Variants in SPSB4 observed in about 807,000 individuals in gnomAD.
SPSB4 encodes the protein splA/ryanodine receptor domain and SOCS box containing 4, also known as SPRY domain-containing SOCS box protein 4.
SPSB4 carries 21 observed loss-of-function variants against 20.9 expected under a neutral mutation model. The ratio of observed to expected loss-of-function variants is 1.01; its 90% CI spans 0.71 to 1.45. SPSB4 has a LOEUF of 1.45. Among genes scored for constraint, SPSB4 ranks in the 40% most tolerant of loss-of-function variants. The pLI, the probability that SPSB4 is intolerant of heterozygous loss-of-function variation, is 0.00. For synonymous variants in SPSB4, 207 were observed against 183.8 expected, an observed-to-expected ratio of 1.13 and a Z score of -1.02; for missense variants, 399 against 399.2, an observed-to-expected ratio of 1.00 and a Z score of 0.00.
rs1410085192 is a variant in SPSB4 at position 141,066,378 on chromosome 3, G to A, written c.274G>A (p.Gly92Ser). 6.5e-7 allele frequency: 1 copy of A among 1,548,616 alleles called. No individual in the cohort carries two copies. Among genetic ancestry groups the A allele is most frequent in the Non-Finnish European group, 8.7e-7 (1 of 1,148,312 alleles). ...QSTDGIRGKV[G>S]HARGLHAWQI... The stretch of plus-strand genomic sequence containing the variant: ...CACCGACGGCATCCGCGGCAAGGTG[G>A]GCCACGCCCGCGGCCTGCACGCCTG... Residue 92 changes from glycine to serine, a missense_variant, in exon 2 of 3, where the codon GGC becomes AGC. By Grantham distance (56) the Gly-to-Ser change is moderately conservative. Coordinates refer to ENST00000310546, the MANE Select transcript of SPSB4 (RefSeq NM_080862.3).
At chr3:141,123,847 G>T (rs897984273) in intron 2 of SPSB4, among the ~76,000 whole-genome samples, 4 of 152,196 alleles carry the variant, frequency 2.6e-5, no homozygotes, top group Non-Finnish European at 5.9e-5. Flanking sequence ...TGTGACAAGG[G>T]CTGTCCCATC....
At position 141,051,837 on chromosome 3, in the gene SPSB4, AGGACGCGCCCCTGGCCGTGC is replaced by A. The variant is rs1485892672; in HGVS notation, c.-305_-286del. Reference sequence around the variant, plus strand: ...GCGCTGCTGCCGGGCATCAGCCGTGAGGACGCGCCCCTGGCCGTGCGGAGAGAGCCGGCATTTGCGGGTCA... The same window carrying A: ...GCGCTGCTGCCGGGCATCAGCCGTGAGGAGAGAGCCGGCATTTGCGGGTCA... On this transcript the variant is annotated 5_prime_UTR_variant, in exon 1 of 3. Coordinates refer to ENST00000310546, the MANE Select transcript of SPSB4 (RefSeq NM_080862.3). 1 of 151,914 alleles carries A rather than the reference AGGACGCGCCCCTGGCCGTGC, an allele frequency of 6.6e-6. No homozygotes were observed. Among genetic ancestry groups the A allele is most frequent in the Non-Finnish European group, 1.5e-5 (1 of 67,976 alleles). The allele number at this position is 151,914 out of a possible 1,614,324, so 9.4% of individuals were successfully genotyped here.
At chr3:141,136,516 A>G (rs1467747158) in intron 2 of SPSB4, among the ~76,000 whole-genome samples, 1 of 152,172 alleles carries the variant, frequency 6.6e-6, no homozygotes, top group East Asian at 1.9e-4. Context: ...TAATTTTTGT[A>G]TAAGGTGCAA....
intron 2 of SPSB4, among the ~76,000 whole-genome samples, chr3:141,112,266 G>C (rs1392437438): frequency 6.6e-6 from 1 of 152,204 alleles, no homozygotes; most frequent in Non-Finnish European, 1.5e-5. Flanking sequence ...ACAGTGCCTG[G>C]TACAGTAGAC....
intron 2 of SPSB4, among the ~76,000 whole-genome samples, chr3:141,130,734 A>G (rs556471292): frequency 4.7e-4 from 72 of 152,320 alleles, no homozygotes; most frequent in African/African-American, 1.6e-3. Flanking sequence ...ATCTCCACCC[A>G]TTTCCATCAC....
rs1477494237 is a variant in SPSB4 at position 141,066,195 on chromosome 3, C to T, written c.91C>T (p.Pro31Ser). ...PAKRELRGAE[P>S]GRPARLDQLL... ...CAAGCGGGAGCTGCGGGGTGCAGAG[C>T]CCGGGCGGCCGGCGCGGCTGGACCA... Residue 31 changes from proline to serine, a missense_variant, in exon 2 of 3, where the codon CCC (proline) becomes TCC (serine). By Grantham distance (74) the Pro-to-Ser change is moderately conservative (BLOSUM62 -1). Coordinates refer to ENST00000310546, the MANE Select transcript of SPSB4 (RefSeq NM_080862.3). 1.3e-6 allele frequency: 2 copies of T among 1,530,310 alleles called. No homozygotes were observed. The highest frequency in any genetic ancestry group is 1.8e-6 in the Non-Finnish European group (2 of 1,140,488). The allele number at this position is 1,530,310 out of a possible 1,614,324, so 94.8% of individuals were successfully genotyped here.
At chr3:141,054,684 G>A (rs1014129936) in intron 1 of SPSB4, among the ~76,000 whole-genome samples, 3 of 152,240 alleles carry the variant, frequency 2.0e-5, no homozygotes, top group South Asian at 2.1e-4. Flanking sequence ...CATTTAAAAT[G>A]TATACGTGTG....
intron 2 of SPSB4, among the ~76,000 whole-genome samples, chr3:141,099,880 C>T (rs1248002889): frequency 6.6e-6 from 1 of 152,202 alleles, no homozygotes; most frequent in African/African-American, 2.4e-5. Context: ...GAATCCCCTT[C>T]CATTAGGGAC....
intron 2 of SPSB4, among the ~76,000 whole-genome samples, chr3:141,130,632 A>T (rs995264453): frequency 2.0e-5 from 3 of 152,136 alleles, no homozygotes; most frequent in African/African-American, 7.2e-5. Flanking sequence ...GGGGTAGGGT[A>T]GTGACTTGTG....
chr3:141,064,141 G>A (rs962988374), intron 1 of SPSB4, among the ~76,000 whole-genome samples: 1 of 152,244 alleles, frequency 6.6e-6, no homozygotes, highest in Non-Finnish European at 1.5e-5. Flanking sequence ...GCTCCTGGCT[G>A]GCTCTGCCAG....
chr3:141,082,618 GCTATCTATCTATCTAT>G (rs57148827), intron 2 of SPSB4, among the ~76,000 whole-genome samples: 10 of 146,296 alleles, frequency 6.8e-5, no homozygotes, highest in Non-Finnish European at 1.2e-4. Context: ...CAACCCAGGT[GCTATCTATCTATCTAT>G]CTATCTATCT....
chr3:141,127,484 C>T (rs1576540237), intron 2 of SPSB4, among the ~76,000 whole-genome samples: 1 of 152,242 alleles, frequency 6.6e-6, no homozygotes, highest in South Asian at 2.1e-4. Flanking sequence ...CTGTCCAGAG[C>T]TCAGAAGCCA....
intron 2 of SPSB4, among the ~76,000 whole-genome samples, chr3:141,144,672 G>A (rs1476506229): frequency 3.3e-5 from 5 of 152,194 alleles, no homozygotes; most frequent in Admixed American, 3.3e-4. Context: ...AACGTACTCT[G>A]AACTCCTTTT....
chr3:141,108,163 C>T (rs528580774), intron 2 of SPSB4, among the ~76,000 whole-genome samples: 61 of 152,086 alleles, frequency 4.0e-4, no homozygotes, highest in African/African-American at 1.5e-3. Context: ...AATCACCGAG[C>T]TCAGGAGCCT....
intron 2 of SPSB4, 100 bp from the exon 3 acceptor site, chr3:141,147,042 G>A: frequency 6.5e-7 from 1 of 1,538,332 alleles, no homozygotes; most frequent in Non-Finnish European, 8.9e-7. Context: ...CTGAAGGCCA[G>A]CTCAGAGGAG....
chr3:141,070,122 G>A (rs1447274665), intron 2 of SPSB4, among the ~76,000 whole-genome samples: 1 of 152,078 alleles, frequency 6.6e-6, no homozygotes, highest in Non-Finnish European at 1.5e-5. Flanking sequence ...ACGCACAGGG[G>A]CCCTGCCATC....
intron 2 of SPSB4, among the ~76,000 whole-genome samples, chr3:141,080,955 A>G (rs991689119): frequency 3.3e-5 from 5 of 152,196 alleles, no homozygotes; most frequent in African/African-American, 1.2e-4. Flanking sequence ...CAGCTTGCCC[A>G]CTTGCTCTGT....
intron 2 of SPSB4, among the ~76,000 whole-genome samples, chr3:141,068,003 G>GTT (rs1937923789): frequency 6.6e-6 from 1 of 152,038 alleles, no homozygotes; most frequent in Admixed American, 6.5e-5. Context: ...AAGTCCACTC[G>GTT]TTTCCTATGT....
At chr3:141,092,695 T>C (rs1219070225) in intron 2 of SPSB4, among the ~76,000 whole-genome samples, 1 of 152,234 alleles carries the variant, frequency 6.6e-6, no homozygotes, top group Non-Finnish European at 1.5e-5. Context: ...TGGGGTTTAC[T>C]GCTGCTGAGG....
Sources: allele counts gnomAD v4.1 joint callset (sites outside exome capture counted in the v4.1 genomes callset), GRCh38; gene constraint gnomAD v4.1.1; transcripts MANE v1.5; gene names NCBI Gene and HGNC (gene_info 2026-07-23, HGNC 2026-07-21).